SHISA6: variants seen among roughly 807,000 people sequenced by gnomAD.
The protein encoded by SHISA6 is shisa family member 6.
A neutral mutation model predicts 47.9 loss-of-function variants in SHISA6; 22 were observed. The observed-to-expected ratio is 0.46, with a 90% CI of 0.33 to 0.66. The LOEUF is 0.66. Ranked by LOEUF, SHISA6 falls within the 30% of genes least tolerant of loss-of-function variation. The pLI is 0.02. For missense variants in SHISA6, 680 were observed against 764.6 expected, an observed-to-expected ratio of 0.89 and a Z score of 1.30; for synonymous variants, 388 against 337.8, an observed-to-expected ratio of 1.15 and a Z score of -1.63.
chr17:11,539,104 G>A (rs11871147), intron 3 of SHISA6, among the ~76,000 whole-genome samples: 25 of 152,224 alleles, frequency 1.6e-4, no homozygotes, highest in African/African-American at 5.8e-4. Flanking sequence ...ACCATGCCCG[G>A]CTAATTTTTT....
chr17:11,270,748 C>G (rs1419588632), intron 2 of SHISA6, among the ~76,000 whole-genome samples: 2 of 152,180 alleles, frequency 1.3e-5, no homozygotes, highest in Non-Finnish European at 2.9e-5. Flanking sequence ...TCTAGTTTGT[C>G]AGCCCCTCTC....
Position 11,370,789 on chromosome 17 carries a change from T to A in SHISA6, c.800-8625T>A, listed in dbSNP as rs1156672435. On this transcript the variant is annotated intron_variant, in intron 2 of 5. Coordinates refer to ENST00000441885, the MANE Select transcript of SHISA6 (RefSeq NM_207386.4). Reference sequence around the variant, plus strand: ...TACTCACCCTCTTTGGGTTTATACTTCTTTAGTCCAGTGAGAGTGTCGGGT... The same window carrying A: ...TACTCACCCTCTTTGGGTTTATACTACTTTAGTCCAGTGAGAGTGTCGGGT... 3.9e-5 allele frequency among the ~76,000 whole-genome samples: 6 copies of A among 152,174 alleles called. No homozygotes were observed. The East Asian group carries it at 1.2e-3, about 29-fold the overall frequency.
At chr17:11,447,450 C>G (rs968571914) in intron 3 of SHISA6, among the ~76,000 whole-genome samples, 8 of 152,208 alleles carry the variant, frequency 5.3e-5, no homozygotes, top group Non-Finnish European at 1.0e-4. Flanking sequence ...CCCACAGCTT[C>G]CCGGAACTGG....
At chr17:11,327,356 G>A (rs1189339476) in intron 2 of SHISA6, among the ~76,000 whole-genome samples, 10 of 152,276 alleles carry the variant, frequency 6.6e-5, no homozygotes, top group East Asian at 5.8e-4. Context: ...TTTCCCTTCC[G>A]CAAGGATTAG....
intron 3 of SHISA6, among the ~76,000 whole-genome samples, chr17:11,394,112 G>T (rs914379267): frequency 1.3e-5 from 2 of 152,150 alleles, no homozygotes; most frequent in African/African-American, 4.8e-5. Context: ...GTGTGAGCAA[G>T]GACCATATCT....
At chr17:11,290,915 T>C (rs1225822993) in intron 2 of SHISA6, 1 of 152,060 alleles carries the variant, frequency 6.6e-6, no homozygotes, top group African/African-American at 2.4e-5. Context: ...TCGCCTTGAA[T>C]GTGTCATGCT....
chr17:11,450,473 A>G (rs1244185592), intron 3 of SHISA6, among the ~76,000 whole-genome samples: 3 of 152,060 alleles, frequency 2.0e-5, no homozygotes, highest in African/African-American at 7.2e-5. Context: ...CCTGGCCAAC[A>G]TGGTGAAACC....
At chr17:11,385,608 G>A (rs1913164763) in intron 3 of SHISA6, among the ~76,000 whole-genome samples, 1 of 152,154 alleles carries the variant, frequency 6.6e-6, no homozygotes, top group Non-Finnish European at 1.5e-5. Flanking sequence ...AAAACTCTTG[G>A]TTGGGGATAG....
At chr17:11,479,295 T>C (rs554292058) in intron 3 of SHISA6, among the ~76,000 whole-genome samples, 1 of 151,982 alleles carries the variant, frequency 6.6e-6, no homozygotes, top group Non-Finnish European at 1.5e-5. Context: ...AAAGAATGAG[T>C]TCATGTCCTT....
At chr17:11,417,502 A>C (rs1189464852) in intron 3 of SHISA6, among the ~76,000 whole-genome samples, 1 of 152,210 alleles carries the variant, frequency 6.6e-6, no homozygotes, top group Non-Finnish European at 1.5e-5. Context: ...TGACAATCAC[A>C]GTGGACATTC....
intron 2 of SHISA6, among the ~76,000 whole-genome samples, chr17:11,318,213 C>G (rs1056272394): frequency 6.6e-6 from 1 of 152,150 alleles, no homozygotes; most frequent in Non-Finnish European, 1.5e-5. Flanking sequence ...TTGAAATCAT[C>G]GTTCCATTGT....
rs190823324 is a variant in SHISA6 at position 11,509,393 on chromosome 17, A to T, written c.896-42503A>T. Among the ~76,000 whole-genome samples, 21 of 152,334 alleles carry T rather than the reference A, an allele frequency of 1.4e-4. No homozygotes were observed. The East Asian group carries it at 3.7e-3, about 27-fold the overall frequency. ...TTACCATTTATGAAGCACTTTCAACATCTATTATTTCATTTGAGGCTCAGC... is the reference window on the plus strand; with the variant it reads ...TTACCATTTATGAAGCACTTTCAACTTCTATTATTTCATTTGAGGCTCAGC... On this transcript the variant is annotated intron_variant, in intron 3 of 5. Coordinates refer to ENST00000441885, the MANE Select transcript of SHISA6 (RefSeq NM_207386.4).
At chr17:11,286,255 C>A (rs761592383) in intron 2 of SHISA6, among the ~76,000 whole-genome samples, 2 of 152,144 alleles carry the variant, frequency 1.3e-5, no homozygotes, top group African/African-American at 2.4e-5. Context: ...ATCTGTGTGT[C>A]CTTCCCTACT....
At chr17:11,291,570 A>G (rs908047335) in intron 2 of SHISA6, among the ~76,000 whole-genome samples, 1 of 151,952 alleles carries the variant, frequency 6.6e-6, no homozygotes, top group African/African-American at 2.4e-5. Flanking sequence ...GGAGGCGGAG[A>G]TTGCAGTGAG....
rs570720465 is a variant in SHISA6, at chr17:11,465,260, CG to C, written c.895+85755del. 1.4e-3 allele frequency among the ~76,000 whole-genome samples: 217 copies of C among 152,292 alleles called. 2 individuals carry two copies. The highest frequency in any genetic ancestry group is 0.013 in the Admixed American group (200 of 15,294). ...TACTGAATCCTACAAGGCCACCACT[CG>C]GGGAAGCATCGGCTATAGCAATTGT... On this transcript the variant is annotated intron_variant, in intron 3 of 5. Transcript: ENST00000441885.
chr17:11,331,596 G>C (rs549482613), intron 2 of SHISA6, among the ~76,000 whole-genome samples: 269 of 152,182 alleles, frequency 1.8e-3, no homozygotes, highest in Non-Finnish European at 2.7e-3. Flanking sequence ...TAAACCAAAT[G>C]CATGGTTTGG....
chr17:11,557,734 ACT>A lies in SHISA6; in HGVS notation c.1106-17_1106-16del. 1 of 1,517,198 alleles carries A rather than the reference ACT, an allele frequency of 6.6e-7. No individual in the cohort carries two copies. The allele number at this position is 1,517,198 out of a possible 1,614,324, so 94.0% of individuals were successfully genotyped here. On this transcript the variant is annotated intron_variant, in intron 5 of 5. Transcript: ENST00000441885. The stretch of plus-strand genomic sequence containing the variant: ...AGGGTCACCCCAGTTGCCTTCTCTC[ACT>A]CTGTCTCTCCCCTGCAGCCGACAAG...
chr17:11,551,854 G>T, intron 3 of SHISA6, 42 bp from the exon 4 acceptor site: 1 of 1,493,920 alleles, frequency 6.7e-7, no homozygotes, highest in African/African-American at 1.4e-5. Context: ...ATAGTGGAAT[G>T]CCTGAACTCT....
At chr17:11,543,778 A>G (rs1200816833) in intron 3 of SHISA6, among the ~76,000 whole-genome samples, 1 of 152,128 alleles carries the variant, frequency 6.6e-6, no homozygotes, top group Non-Finnish European at 1.5e-5. Context: ...TAAATGGAAC[A>G]GAATAGAAAA....
Sources: allele counts gnomAD v4.1 joint callset (sites outside exome capture counted in the v4.1 genomes callset), GRCh38; gene constraint gnomAD v4.1.1; transcripts MANE v1.5; gene names NCBI Gene and HGNC (gene_info 2026-07-23, HGNC 2026-07-21).